Variants in PTPRS observed in about 807,000 individuals in gnomAD.
The protein encoded by PTPRS is protein tyrosine phosphatase receptor type S, also known as receptor-type tyrosine-protein phosphatase S.
Under a neutral mutation model 215.3 loss-of-function variants are expected in PTPRS, and 63 were observed. The observed-to-expected ratio is 0.29, with a 90% CI of 0.24 to 0.36. The LOEUF (loss-of-function observed/expected upper bound fraction) is 0.36, where lower values mean the gene tolerates loss of function less well. Among genes scored for constraint, PTPRS ranks in the 10% least tolerant of loss-of-function variants. The pLI is 1.00. For synonymous variants in PTPRS, 1,404 were observed against 1,191.4 expected, an observed-to-expected ratio of 1.18 and a Z score of -3.68; for missense variants, 2,258 against 2,825.8, an observed-to-expected ratio of 0.80 and a Z score of 4.56.
chr19:5,322,081 G>A (rs568920190), intron 1 of PTPRS, among the ~76,000 whole-genome samples: 7 of 152,288 alleles, frequency 4.6e-5, no homozygotes, highest in East Asian at 3.9e-4. Flanking sequence ...TCACACAGCC[G>A]GCAAGAGGCA....
At position 5,206,766 on chromosome 19, in the gene PTPRS, C is replaced by A; in HGVS notation, c.*8G>T. 6.2e-7 allele frequency: 1 copy of A among 1,613,426 alleles called. No homozygotes were observed. Among genetic ancestry groups the A allele is most frequent in the Non-Finnish European group, 8.5e-7 (1 of 1,179,430 alleles). On this transcript the variant is annotated 3_prime_UTR_variant, in exon 38 of 38. Transcript: ENST00000262963. The stretch of plus-strand genomic sequence containing the variant: ...CCAGTGGTGTCGGGCCTGGGGGGAA[C>A]CATGGCTTTAGGTTGCATAGTGGTC...
chr19:5,301,546 C>T (rs1161564950), intron 1 of PTPRS, among the ~76,000 whole-genome samples: 1 of 151,914 alleles, frequency 6.6e-6, no homozygotes, highest in Non-Finnish European at 1.5e-5. Context: ...GAACTCCTGA[C>T]CTCAGGTGAT....
Position 5,237,479 on chromosome 19 carries a change from C to T in PTPRS, c.1849+1440G>A, listed in dbSNP as rs1210341547. Reference sequence around the variant, plus strand: ...GTAGGTCACGTCCTTCACAATCCGGCCCAACCTGCATGACATCTCGGGAAG... The same window carrying T: ...GTAGGTCACGTCCTTCACAATCCGGTCCAACCTGCATGACATCTCGGGAAG... On this transcript the variant is annotated intron_variant, in intron 13 of 37. Coordinates refer to ENST00000262963, the MANE Select transcript of PTPRS (RefSeq NM_002850.4). The surrounding 1 kb of genome is among the most constrained non-coding windows in gnomAD (Gnocchi z 4.2). Among the ~76,000 whole-genome samples the T allele has an allele frequency of 6.6e-6, 1 of 152,174 alleles. No individual in the cohort carries two copies. Among genetic ancestry groups the T allele is most frequent in the Non-Finnish European group, 1.5e-5 (1 of 68,030 alleles).
intron 1 of PTPRS, among the ~76,000 whole-genome samples, chr19:5,305,765 A>ATATATATT (rs1491188046): frequency 9.6e-5 from 9 of 93,392 alleles, no homozygotes; most frequent in African/African-American, 4.1e-4. Flanking sequence ...ATATATATAT[A>ATATATATT]TTTTTTTTTT....
At chr19:5,280,106 C>CA (rs1465012851) in intron 2 of PTPRS, among the ~76,000 whole-genome samples, 1 of 152,200 alleles carries the variant, frequency 6.6e-6, no homozygotes, top group East Asian at 1.9e-4. Flanking sequence ...TCTAACAACT[C>CA]AAACTTGAGC....
chr19:5,284,966 T>TA (rs779715604), intron 2 of PTPRS, among the ~76,000 whole-genome samples: 6 of 151,076 alleles, frequency 4.0e-5, no homozygotes, highest in Non-Finnish European at 7.4e-5. Context: ...AAAACGACAA[T>TA]AAAAAAAGCA....
Position 5,232,523 on chromosome 19 carries a change from C to T in PTPRS, c.1850-908G>A, listed in dbSNP as rs1428054208. ...CTCCATTTATTAAGCACTTATTATG[C>T]GCCAGGTACCGTGCCAAGGGGAACA... On this transcript the variant is annotated intron_variant, in intron 13 of 37. Coordinates refer to ENST00000262963, the MANE Select transcript of PTPRS (RefSeq NM_002850.4). Among the ~76,000 whole-genome samples, 10 of 132,810 alleles carry T rather than the reference C, an allele frequency of 7.5e-5. No individual in the cohort carries two copies. In the South Asian group the frequency reaches 1.0e-3, roughly 13 times the overall value. 87.1% of individuals were successfully genotyped at this position (132,810 alleles called of 152,430 possible). A position where few individuals can be genotyped will look rare whatever the true frequency, so the allele number is the denominator to read the frequency against.
At chr19:5,302,896 A>C (rs2049348068) in intron 1 of PTPRS, among the ~76,000 whole-genome samples, 1 of 118,226 alleles carries the variant, frequency 8.5e-6, no homozygotes, top group Non-Finnish European at 1.7e-5. Context: ...TCTCTACTAA[A>C]AATACAAAAA....
At chr19:5,249,344 A>C (rs1325962400) in intron 9 of PTPRS, among the ~76,000 whole-genome samples, 1 of 152,088 alleles carries the variant, frequency 6.6e-6, no homozygotes, top group Non-Finnish European at 1.5e-5. Context: ...ACAAACAAAC[A>C]AACGAAATGG....
chr19:5,225,635 G>A (rs921617718), intron 17 of PTPRS, 92 bp downstream of exon 17: 104 of 1,114,276 alleles, frequency 9.3e-5, no homozygotes, highest in Admixed American at 2.9e-4. Flanking sequence ...CCCTCTGCCT[G>A]CCCTTGTGAG....
intron 2 of PTPRS, among the ~76,000 whole-genome samples, chr19:5,280,338 T>C (rs973085207): frequency 3.3e-5 from 5 of 152,208 alleles, no homozygotes; most frequent in African/African-American, 1.2e-4. Flanking sequence ...CCTGCCCCAG[T>C]GGCCTGACCA....
Position 5,293,306 on chromosome 19 carries a change from T to G in PTPRS, c.-94-7072A>C. 1 of 95,636 alleles carries G rather than the reference T, an allele frequency of 1.0e-5. No individual in the cohort carries two copies. Among genetic ancestry groups the G allele is most frequent in the Non-Finnish European group, 2.2e-5 (1 of 44,716 alleles). 5.9% of individuals were successfully genotyped at this position (95,636 alleles called of 1,614,324 possible). A position where few individuals can be genotyped will look rare whatever the true frequency, so the allele number is the denominator to read the frequency against. On this transcript the variant is annotated intron_variant, in intron 1 of 37. Coordinates refer to ENST00000262963, the MANE Select transcript of PTPRS (RefSeq NM_002850.4). The surrounding 1 kb of genome is among the most constrained non-coding windows in gnomAD (Gnocchi z 8.4). ...GGGGGCGGGGCAAGGGGCGGGGCTG[T>G]AGGGGGCGGGGTTGCAGTGGGCGGG...
In PTPRS at chr19:5,222,312, G is replaced by A. The variant is rs531598304; in HGVS notation, c.3104-92C>T. ...GGCGTGAAGCGGGGTGGGGTGGGGC[G>A]GCCCAGGCGCTCCCTGTCGTCCGCT... is the stretch of plus-strand genomic sequence containing the variant. On this transcript the variant is annotated intron_variant, in intron 18 of 37. Coordinates refer to ENST00000262963, the MANE Select transcript of PTPRS (RefSeq NM_002850.4). 1.1e-3 allele frequency: 1,174 copies of A among 1,077,620 alleles called. 5 individuals carry two copies. Among genetic ancestry groups the A allele is most frequent in the South Asian group, 4.1e-3 (309 of 76,266 alleles). The allele number at this position is 1,077,620 out of a possible 1,614,324, so 66.8% of individuals were successfully genotyped here. A position where few individuals can be genotyped will look rare whatever the true frequency, so the allele number is the denominator to read the frequency against.
intron 1 of PTPRS, among the ~76,000 whole-genome samples, chr19:5,312,495 AC>A (rs1288089504): frequency 6.6e-6 from 1 of 151,894 alleles, no homozygotes; most frequent in African/African-American, 2.4e-5. Flanking sequence ...CCTTACCTCT[AC>A]AAAAAAATAC....
Position 5,210,617 on chromosome 19 carries a change from G to A in PTPRS, c.5362-23C>T, listed in dbSNP as rs576139901. The stretch of plus-strand genomic sequence containing the variant: ...CTCCTGTGGAGGAGATGGCGGCCGT[G>A]GTCAGCGCTGTCTGAGCCACAGTCT... On this transcript the variant is annotated intron_variant, in intron 34 of 37. Transcript: ENST00000262963. This position sits in a 1 kb window ranked among gnomAD's most constrained non-coding sequence, Gnocchi z 4.5. 1.9e-5 allele frequency: 30 copies of A among 1,613,988 alleles called. No homozygotes were observed. The highest frequency in any genetic ancestry group is 2.3e-5 in the Non-Finnish European group (27 of 1,180,000).
At chr19:5,300,625 G>T (rs1348607340) in intron 1 of PTPRS, among the ~76,000 whole-genome samples, 1 of 151,948 alleles carries the variant, frequency 6.6e-6, no homozygotes, top group African/African-American at 2.4e-5. Flanking sequence ...ACCAAAATTA[G>T]CCGGGCATGG....
chr19:5,218,743 C>G (rs1262459500), intron 24 of PTPRS, 44 bp downstream of exon 24: 1 of 1,608,230 alleles, frequency 6.2e-7, no homozygotes, highest in Non-Finnish European at 8.5e-7. Flanking sequence ...TCCCTGTCCT[C>G]TTCCTCTTGC....
intron 1 of PTPRS, among the ~76,000 whole-genome samples, chr19:5,321,898 C>G (rs1282748314): frequency 6.6e-6 from 1 of 152,002 alleles, no homozygotes; most frequent in African/African-American, 2.4e-5. Context: ...GTCTTCATTT[C>G]CACATAGGTA....
chr19:5,311,372 C>T (rs935913575), intron 1 of PTPRS, among the ~76,000 whole-genome samples: 2 of 152,134 alleles, frequency 1.3e-5, no homozygotes, highest in African/African-American at 4.8e-5. Context: ...CTGTCTTCTC[C>T]GTCACTCTGT....
Sources: allele counts gnomAD v4.1 joint callset (sites outside exome capture counted in the v4.1 genomes callset), GRCh38; gene constraint gnomAD v4.1.1; non-coding constraint Gnocchi (gnomAD v3.1); transcripts MANE v1.5; gene names NCBI Gene and HGNC (gene_info 2026-07-23, HGNC 2026-07-21).